Variants in PRKG1 observed in about 807,000 individuals in gnomAD.
The protein encoded by PRKG1 is protein kinase cGMP-dependent 1, also known as cGMP-dependent protein kinase 1.
Under a neutral mutation model 88.1 loss-of-function variants are expected in PRKG1, and 35 were observed. The ratio of observed to expected loss-of-function variants is 0.40; its 90% CI spans 0.30 to 0.53. The LOEUF (loss-of-function observed/expected upper bound fraction) is 0.53. Among genes scored for constraint, PRKG1 ranks in the 20% least tolerant of loss-of-function variants. PRKG1 has a pLI of 0.59. For missense variants in PRKG1, 540 were observed against 839.8 expected, an observed-to-expected ratio of 0.64 and a Z score of 4.41; for synonymous variants, 303 against 292.5, an observed-to-expected ratio of 1.04 and a Z score of -0.37.
intron 2 of PRKG1, among the ~76,000 whole-genome samples, chr10:51,178,978 C>T (rs1162050265): frequency 6.6e-6 from 1 of 152,150 alleles, no homozygotes; most frequent in Admixed American, 6.5e-5. Context: ...AACTGATGCT[C>T]TCCATTTTTA....
At chr10:51,433,002 G>A (rs1038837003) in intron 2 of PRKG1, among the ~76,000 whole-genome samples, 48 of 152,102 alleles carry the variant, frequency 3.2e-4, no homozygotes, top group African/African-American at 1.0e-3. Context: ...CCTCTTTACA[G>A]TATGGACATT....
chr10:51,698,580 G>C, intron 3 of PRKG1: 1 of 1,613,888 alleles, frequency 6.2e-7, no homozygotes, highest in Non-Finnish European at 8.5e-7. Flanking sequence ...CGAGGAGGCA[G>C]ACCACCAGGA....
At chr10:51,337,979 G>A (rs1588856342) in intron 2 of PRKG1, among the ~76,000 whole-genome samples, 1 of 152,132 alleles carries the variant, frequency 6.6e-6, no homozygotes, top group African/African-American at 2.4e-5. Flanking sequence ...ATTCACAATA[G>A]CAAAGACATG....
At chr10:51,073,628 A>G (rs1249135435), upstream of PRKG1, among the ~76,000 whole-genome samples, 3 of 152,170 alleles carry the variant, frequency 2.0e-5, no homozygotes, top group Non-Finnish European at 4.4e-5. Flanking sequence ...GCCCTAAAAC[A>G]GTTCCCCGAT....
At chr10:51,952,199 C>G (rs912480227) in intron 5 of PRKG1, among the ~76,000 whole-genome samples, 2 of 152,150 alleles carry the variant, frequency 1.3e-5, no homozygotes, top group Non-Finnish European at 2.9e-5. Context: ...TTAAACTGAC[C>G]TGATGTTTGT....
chr10:51,978,249 T>C (rs572915020), intron 5 of PRKG1, among the ~76,000 whole-genome samples: 3 of 152,086 alleles, frequency 2.0e-5, no homozygotes, highest in Non-Finnish European at 4.4e-5. Context: ...TTGTCAGCTT[T>C]GTTGAAGATG....
At chr10:51,969,207 T>C (rs563387268) in intron 5 of PRKG1, among the ~76,000 whole-genome samples, 65 of 152,300 alleles carry the variant, frequency 4.3e-4, no homozygotes, top group African/African-American at 1.4e-3. Context: ...AATTTTTCAG[T>C]AGCAAATGCA....
intron 10 of PRKG1, among the ~76,000 whole-genome samples, chr10:52,271,049 A>C (rs1287295556): frequency 2.0e-5 from 3 of 152,088 alleles, no homozygotes; most frequent in African/African-American, 7.2e-5. Context: ...GTATTCAAAC[A>C]CACTCTATGA....
intron 2 of PRKG1, among the ~76,000 whole-genome samples, chr10:51,236,829 T>A (rs1045215275): frequency 3.3e-5 from 5 of 152,078 alleles, no homozygotes; most frequent in Non-Finnish European, 5.9e-5. Context: ...TCCAGTTTTG[T>A]GAGATGCCAG....
intron 2 of PRKG1, among the ~76,000 whole-genome samples, chr10:51,462,472 A>C (rs1341889905): frequency 1.3e-5 from 2 of 152,196 alleles, no homozygotes; most frequent in Non-Finnish European, 2.9e-5. Flanking sequence ...GGGCCTTATA[A>C]AAGATAAACA....
At chr10:51,016,660 A>ATTATT (rs1407648388) in intron 1 of PRKG1, among the ~76,000 whole-genome samples, 4 of 39,800 alleles carry the variant, frequency 1.0e-4, no homozygotes, top group Non-Finnish European at 2.0e-4. Context: ...TGAAGAAGGT[A>ATTATT]TTATTATCCT....
intron 7 of PRKG1, among the ~76,000 whole-genome samples, chr10:52,065,951 A>G (rs753134092): frequency 2.6e-5 from 4 of 152,128 alleles, no homozygotes; most frequent in Admixed American, 6.5e-5. Flanking sequence ...ATATTTACAA[A>G]CTGAGGTCGC....
intron 1 of PRKG1, among the ~76,000 whole-genome samples, chr10:51,033,266 T>C (rs1221255172): frequency 2.6e-5 from 4 of 152,154 alleles, no homozygotes; most frequent in Non-Finnish European, 5.9e-5. Flanking sequence ...GGGCACCTTA[T>C]TTCCATTCCT....
intron 7 of PRKG1, among the ~76,000 whole-genome samples, chr10:52,117,279 G>GA (rs1027656920): frequency 1.3e-5 from 2 of 150,408 alleles, no homozygotes; most frequent in Admixed American, 6.7e-5. Flanking sequence ...TGTCCCTGCT[G>GA]AAAAAATACC....
intron 12 of PRKG1, among the ~76,000 whole-genome samples, chr10:52,272,724 A>G (rs1449448461): frequency 6.6e-6 from 1 of 152,074 alleles, no homozygotes; most frequent in African/African-American, 2.4e-5. Flanking sequence ...GTACATAGCA[A>G]AATATATACA....
intron 9 of PRKG1, among the ~76,000 whole-genome samples, chr10:52,189,999 A>G (rs1248573893): frequency 6.6e-6 from 1 of 152,190 alleles, no homozygotes; most frequent in Non-Finnish European, 1.5e-5. Context: ...ATGCAGGTTT[A>G]TCTGTGTATT....
intron 2 of PRKG1, among the ~76,000 whole-genome samples, chr10:51,340,816 T>C (rs2132546910): frequency 6.6e-6 from 1 of 152,304 alleles, no homozygotes; most frequent in East Asian, 1.9e-4. Context: ...CAAAAGCATA[T>C]GTCTGGAATG....
At chr10:51,176,942 A>G (rs911123240) in intron 2 of PRKG1, among the ~76,000 whole-genome samples, 3 of 152,116 alleles carry the variant, frequency 2.0e-5, no homozygotes, top group African/African-American at 7.2e-5. Flanking sequence ...ACTGGGAGCA[A>G]AAGTTCGTGG....
chr10:52,039,059 CA>C (rs1564442513), intron 5 of PRKG1, among the ~76,000 whole-genome samples: 1 of 152,128 alleles, frequency 6.6e-6, no homozygotes, highest in Non-Finnish European at 1.5e-5. Context: ...AACAGGAGGA[CA>C]GGGGATTGAT....
Sources: allele counts gnomAD v4.1 joint callset (sites outside exome capture counted in the v4.1 genomes callset), GRCh38; gene constraint gnomAD v4.1.1; transcripts MANE v1.5; gene names NCBI Gene and HGNC (gene_info 2026-07-23, HGNC 2026-07-21).